SLC12A7: variants seen among roughly 807,000 people sequenced by gnomAD.
The protein encoded by SLC12A7 is solute carrier family 12 member 7.
SLC12A7 carries 100 observed loss-of-function variants against 120.6 expected under a neutral mutation model. The ratio of observed to expected loss-of-function variants is 0.83; its 90% CI spans 0.71 to 0.98. SLC12A7 has a LOEUF of 0.98. Ranked by LOEUF, SLC12A7 falls within the 50% of genes least tolerant of loss-of-function variation. The pLI, the probability that SLC12A7 is intolerant of heterozygous loss-of-function variation, is 0.00. For missense variants in SLC12A7, 1,373 were observed against 1,548.1 expected (o/e 0.89, Z 1.90); for synonymous variants, 760 against 678.0 (o/e 1.12, Z -1.88).
chr5:1,074,638 G>A lies in SLC12A7; in HGVS notation c.2001C>T (p.Gly667=). 6.2e-7 allele frequency: 1 copy of A among 1,612,790 alleles called. No homozygotes were observed. The highest frequency in any genetic ancestry group is 1.1e-5 in the South Asian group (1 of 91,084). Residue 667 remains glycine (G), a synonymous_variant, in exon 16 of 24, where the codon GGC becomes GGT. Coordinates refer to ENST00000264930, the MANE Select transcript of SLC12A7 (RefSeq NM_006598.3). Reference sequence around the variant, plus strand: ...CGTAGCGGGCGGCGTTCAGGGATAGGCCACGGATGCCATCGCCCCACTCCT... The same window carrying A: ...CGTAGCGGGCGGCGTTCAGGGATAGACCACGGATGCCATCGCCCCACTCCT... ...AEKEWGDGIR[G]LSLNAARYAL... is the part of the protein sequence containing the mutation.
At chr5:1,106,316 G>A (rs1437554272) in intron 1 of SLC12A7, among the ~76,000 whole-genome samples, 4 of 152,186 alleles carry the variant, frequency 2.6e-5, no homozygotes, top group Non-Finnish European at 4.4e-5. Context: ...AGCCAGGCGC[G>A]GTGGTGCGTG....
At position 1,058,936 on chromosome 5, in the gene SLC12A7, G is replaced by C. The variant is rs554327442; in HGVS notation, c.2848-1287C>G. Reference sequence around the variant, plus strand: ...CACCTCCAACCCCCACCTGGCCCAGGAGGGGCCCTTCGAGCTCGAGCTTGC... The same window carrying C: ...CACCTCCAACCCCCACCTGGCCCAGCAGGGGCCCTTCGAGCTCGAGCTTGC... On this transcript the variant is annotated intron_variant, in intron 21 of 23. Transcript: ENST00000264930. Among the ~76,000 whole-genome samples the C allele has an allele frequency of 4.2e-4, 64 of 152,314 alleles. 1 individual carries two copies. Among genetic ancestry groups the C allele is most frequent in the Middle Eastern group, 6.8e-3 (2 of 294 alleles).
In SLC12A7 at chr5:1,083,760, T is replaced by C; in HGVS notation, c.1114A>G (p.Ser372Gly). The C allele has an allele frequency of 6.2e-7, 1 of 1,612,518 alleles. No homozygotes were observed. The highest frequency in any genetic ancestry group is 1.1e-5 in the South Asian group (1 of 91,076). ...TGAGCCTCACCCAGGAAGACACCAC[T>C]GGCCGCGCCCGGGATGCCCTGGATT... Reference protein sequence around the residue: ...TEIQGIPGAASGVFLENLWST... With the variant: ...TEIQGIPGAAGGVFLENLWST... The change falls in exon 8 of 24, where the codon AGT (serine) becomes GGT (glycine). Residue 372 changes from serine (S) to glycine (G), a missense_variant. By Grantham distance (56) the Ser-to-Gly change is moderately conservative (BLOSUM62 0). Coordinates refer to ENST00000264930, the MANE Select transcript of SLC12A7 (RefSeq NM_006598.3).
chr5:1,113,103 A>G (rs545866547), upstream of SLC12A7, among the ~76,000 whole-genome samples: 37 of 152,276 alleles, frequency 2.4e-4, no homozygotes, highest in East Asian at 9.7e-4. Context: ...CTCATGAAAA[A>G]CGGAACAATC....
At chr5:1,147,205 T>C in the SLC12A7 span, among the ~76,000 whole-genome samples, 3 of 150,108 alleles carry the variant, frequency 2.0e-5, no homozygotes, top group African/African-American at 7.4e-5. Flanking sequence ...ATTCCCACGG[T>C]GACAGAAGGG....
chr5:1,085,610 C>A, intron 6 of SLC12A7, 137 bp from the exon 7 acceptor site: 1 of 1,275,876 alleles, frequency 7.8e-7, no homozygotes, highest in Non-Finnish European at 1.1e-6. Context: ...CCGTGCTGGA[C>A]GGAGCCCGCG....
At chr5:1,129,137 G>C in the SLC12A7 span, among the ~76,000 whole-genome samples, 1 of 152,142 alleles carries the variant, frequency 6.6e-6, no homozygotes, top group African/African-American at 2.4e-5. Flanking sequence ...GCTGCCTAGG[G>C]CCTGCCAGGC....
rs1006270900 is a variant in SLC12A7 at position 1,065,601 on chromosome 5, C to T, written c.2242-123G>A. ...TGTGGACCCAGCAGGAGGGAAGGCC[C>T]GAAGGCTCAACGGTGTGCTGCGGTG... On this transcript the variant is annotated intron_variant, in intron 17 of 23. Transcript: ENST00000264930. 1.6e-5 allele frequency: 12 copies of T among 755,704 alleles called. No individual in the cohort carries two copies. In the Admixed American group the frequency reaches 2.1e-4, roughly 14 times the overall value. The allele number at this position is 755,704 out of a possible 1,614,324, so 46.8% of individuals were successfully genotyped here.
upstream of SLC12A7, chr5:1,112,184 C>A: frequency 1.7e-6 from 1 of 588,554 alleles, no homozygotes; most frequent in Non-Finnish European, 2.4e-6. Context: ...GGGACCCCAA[C>A]CCAGGCTGCG....
chr5:1,067,363 G>A (rs1326180074), intron 17 of SLC12A7, among the ~76,000 whole-genome samples: 2 of 152,256 alleles, frequency 1.3e-5, no homozygotes, highest in African/African-American at 4.8e-5. Context: ...AAGGCACAGG[G>A]AAGCACCCGC....
chr5:1,104,873 C>T (rs2150905703), intron 1 of SLC12A7, among the ~76,000 whole-genome samples: 1 of 152,370 alleles, frequency 6.6e-6, no homozygotes, highest in East Asian at 1.9e-4. Flanking sequence ...CAGCCCAGGG[C>T]CGCAAGCACC....
chr5:1,104,150 C>T (rs906994049), intron 1 of SLC12A7, among the ~76,000 whole-genome samples: 5 of 152,190 alleles, frequency 3.3e-5, no homozygotes, highest in Non-Finnish European at 7.4e-5. Context: ...TCCACTCAAT[C>T]CCTCCCCAGT....
the SLC12A7 span, among the ~76,000 whole-genome samples, chr5:1,120,115 G>C: frequency 6.6e-6 from 1 of 152,268 alleles, no homozygotes; most frequent in African/African-American, 2.4e-5. Flanking sequence ...CGGCCCCAAA[G>C]CCAGAGAGCA....
chr5:1,091,268 G>A (rs1369730250), intron 3 of SLC12A7, among the ~76,000 whole-genome samples: 1 of 152,188 alleles, frequency 6.6e-6, no homozygotes, highest in Non-Finnish European at 1.5e-5. Context: ...ACACCTGCCT[G>A]GACGTTTCAG....
chr5:1,119,024 G>A, the SLC12A7 span, among the ~76,000 whole-genome samples: 8 of 152,298 alleles, frequency 5.3e-5, no homozygotes, highest in African/African-American at 7.2e-5. Flanking sequence ...GACTGCTCCC[G>A]AAAGGAGGGC....
the SLC12A7 span, among the ~76,000 whole-genome samples, chr5:1,153,283 A>G: frequency 6.6e-6 from 1 of 152,258 alleles, no homozygotes; most frequent in Middle Eastern, 3.4e-3. Flanking sequence ...TGGGTGGGGG[A>G]ATGCTAGGCC....
intron 12 of SLC12A7, 145 bp from the exon 13 acceptor site, chr5:1,076,957 G>C (rs920543520): frequency 3.1e-6 from 2 of 650,592 alleles, no homozygotes; most frequent in East Asian, 5.3e-5. Flanking sequence ...GGGACATCAC[G>C]CGGCTGGCCT....
At chr5:1,142,243 G>A in the SLC12A7 span, among the ~76,000 whole-genome samples, 3 of 145,058 alleles carry the variant, frequency 2.1e-5, no homozygotes, top group African/African-American at 8.3e-5. Context: ...CCCATAATCA[G>A]GAGGAAGAAA....
chr5:1,081,796 C>T (rs768337843), intron 8 of SLC12A7, 52 bp from the exon 9 acceptor site: 1 of 1,572,274 alleles, frequency 6.4e-7, no homozygotes, highest in African/African-American at 1.3e-5. Context: ...GTGCAGTGCC[C>T]CCGCCATGGG....
Sources: allele counts gnomAD v4.1 joint callset (sites outside exome capture counted in the v4.1 genomes callset), GRCh38; gene constraint gnomAD v4.1.1; transcripts MANE v1.5; gene names NCBI Gene and HGNC (gene_info 2026-07-23, HGNC 2026-07-21).